Variants in PDE3B observed in about 807,000 individuals in gnomAD.
PDE3B encodes phosphodiesterase 3B, also known as cGMP-inhibited 3',5'-cyclic phosphodiesterase 3B.
In PDE3B, 66 loss-of-function variants were observed where a neutral mutation model predicts 116.8. The ratio of observed to expected loss-of-function variants is 0.56; its 90% CI spans 0.46 to 0.69. PDE3B has a LOEUF of 0.69. PDE3B is among the 30% of genes least tolerant of loss of function. The pLI, the probability that PDE3B is intolerant of heterozygous loss-of-function variation, is 0.00. For synonymous variants in PDE3B, 595 were observed against 533.6 expected (o/e 1.12, Z -1.59); for missense variants, 1,384 against 1,368.1 (o/e 1.01, Z -0.18).
intron 1 of PDE3B, among the ~76,000 whole-genome samples, chr11:14,708,512 G>C (rs974002252): frequency 6.6e-6 from 1 of 152,048 alleles, no homozygotes; most frequent in Non-Finnish European, 1.5e-5. Context: ...TCAAATATTA[G>C]ACGTACCTAA....
At chr11:14,773,146 G>T (rs1857692624) in intron 2 of PDE3B, 1 of 151,784 alleles carries the variant, frequency 6.6e-6, no homozygotes, top group Middle Eastern at 3.2e-3. Context: ...GTTTACTAAG[G>T]ACTTTTTTTC....
At chr11:14,819,054 AT>A in intron 6 of PDE3B, 81 bp from the exon 7 acceptor site, 1 of 838,570 alleles carries the variant, frequency 1.2e-6, no homozygotes, top group Non-Finnish European at 1.9e-6. Context: ...TTGGTTAAAA[AT>A]TAAACAGATT....
At chr11:14,810,274 G>A (rs201018133) in intron 5 of PDE3B, among the ~76,000 whole-genome samples, 8 of 150,468 alleles carry the variant, frequency 5.3e-5, no homozygotes, top group Non-Finnish European at 1.0e-4. Flanking sequence ...CCACTAACTC[G>A]TCATCTAGCA....
chr11:14,721,836 T>C (rs1245944213), intron 1 of PDE3B, among the ~76,000 whole-genome samples: 2 of 128,176 alleles, frequency 1.6e-5, no homozygotes, highest in Non-Finnish European at 3.2e-5. Flanking sequence ...GATGACGAGT[T>C]AGTGGGTGCA....
Position 14,819,197 on chromosome 11 carries a change from A to C in PDE3B, c.1795A>C (p.Ser599Arg). ...TSESDGTDCC[S>R]GKSGEEENIF... The stretch of plus-strand genomic sequence containing the variant: ...TGAATCAGATGGTACAGATTGCTGC[A>C]GTGGAAAATCAGGTGAGATTACAAA... The change falls in exon 7 of 16, where the codon AGT becomes CGT. Residue 599 changes from serine (S) to arginine (R), a missense_variant. Physicochemically the swap from Ser to Arg is moderately radical, Grantham distance 110. Around this residue, in one of 2 missense-constraint regions of PDE3B, gnomAD observed 956 missense variants for 806.8 expected, o/e 1.18. Transcript: ENST00000282096. 1 of 1,587,322 alleles carries C rather than the reference A, an allele frequency of 6.3e-7. No homozygotes were observed. The highest frequency in any genetic ancestry group is 1.1e-5 in the South Asian group (1 of 87,718).
At chr11:14,698,938 T>A (rs977825801) in intron 1 of PDE3B, 1 of 151,984 alleles carries the variant, frequency 6.6e-6, no homozygotes, top group Non-Finnish European at 1.5e-5. Context: ...CATATGGGGA[T>A]CTTAAGAAAT....
chr11:14,801,659 A>ACTGTG (rs1312609934), intron 4 of PDE3B, among the ~76,000 whole-genome samples: 1 of 152,062 alleles, frequency 6.6e-6, no homozygotes, highest in African/African-American at 2.4e-5. Flanking sequence ...GAGTTTGAAA[A>ACTGTG]CTGTGCTGGG....
At chr11:14,688,284 T>C (rs1854947094) in intron 1 of PDE3B, among the ~76,000 whole-genome samples, 1 of 152,162 alleles carries the variant, frequency 6.6e-6, no homozygotes, top group South Asian at 2.1e-4. Flanking sequence ...CCATCAATCT[T>C]TGTTTAACTA....
At chr11:14,740,124 T>A (rs1042157434) in intron 1 of PDE3B, among the ~76,000 whole-genome samples, 4 of 152,166 alleles carry the variant, frequency 2.6e-5, no homozygotes, top group Non-Finnish European at 5.9e-5. Context: ...ATAAAATGAG[T>A]TAGGGAGGAT....
chr11:14,721,487 T>C lies in PDE3B; in HGVS notation c.979-50450T>C, dbSNP rs370962593. 1.8e-3 allele frequency among the ~76,000 whole-genome samples: 266 copies of C among 151,564 alleles called. 2 individuals carry two copies. Among genetic ancestry groups the C allele is most frequent in the African/African-American group, 3.8e-3 (157 of 41,164 alleles). The stretch of plus-strand genomic sequence containing the variant: ...GACACATGCACACGTATGTTTATTG[T>C]GGCATTATTCACAATAGCAAAGACT... On this transcript the variant is annotated intron_variant, in intron 1 of 15. Transcript: ENST00000282096.
At chr11:14,746,637 A>G (rs1856917818) in intron 1 of PDE3B, among the ~76,000 whole-genome samples, 1 of 152,164 alleles carries the variant, frequency 6.6e-6, no homozygotes, top group Non-Finnish European at 1.5e-5. Context: ...ATGAGAAATA[A>G]TCTTTCACTG....
At chr11:14,758,293 T>A (rs1222189731) in intron 1 of PDE3B, among the ~76,000 whole-genome samples, 1 of 147,042 alleles carries the variant, frequency 6.8e-6, no homozygotes, top group Non-Finnish European at 1.5e-5. Context: ...GCGGGCTCTT[T>A]TTTGGTTCCA....
chr11:14,784,235 T>C (rs1202888978), intron 2 of PDE3B, among the ~76,000 whole-genome samples: 1 of 152,168 alleles, frequency 6.6e-6, no homozygotes, highest in East Asian at 1.9e-4. Flanking sequence ...AGAAGGACTC[T>C]TGAAGTAACA....
intron 4 of PDE3B, among the ~76,000 whole-genome samples, chr11:14,800,835 C>G (rs1590156143): frequency 1.3e-5 from 2 of 152,058 alleles, no homozygotes; most frequent in African/African-American, 4.8e-5. Flanking sequence ...TCCCTTATTT[C>G]TTGGAGGCTT....
At chr11:14,790,207 C>CTT (rs1423853216) in intron 4 of PDE3B, among the ~76,000 whole-genome samples, 1 of 151,836 alleles carries the variant, frequency 6.6e-6, no homozygotes, top group African/African-American at 2.4e-5. Flanking sequence ...AGGTGAACTC[C>CTT]TTTTTTGTAA....
chr11:14,895,494 C>G, the PDE3B span, among the ~76,000 whole-genome samples: 1 of 152,228 alleles, frequency 6.6e-6, no homozygotes, highest in Non-Finnish European at 1.5e-5. Flanking sequence ...GAATTTCTCA[C>G]TTGCCTTATC....
intron 1 of PDE3B, among the ~76,000 whole-genome samples, chr11:14,648,987 G>C (rs1853491107): frequency 6.6e-6 from 1 of 152,122 alleles, no homozygotes; most frequent in African/African-American, 2.4e-5. Context: ...AATTATAGCA[G>C]AATGGGCCAT....
the PDE3B span, chr11:14,886,154 TGAAAAGGGTACTG>T: frequency 1.9e-6 from 1 of 527,126 alleles, no homozygotes. Flanking sequence ...AACAGTATAA[TGAAAAGGGTACTG>T]GACTCGGGAG....
chr11:14,705,813 C>A (rs1825696339), intron 1 of PDE3B, among the ~76,000 whole-genome samples: 1 of 151,670 alleles, frequency 6.6e-6, no homozygotes, highest in African/African-American at 2.4e-5. Context: ...AATATTTTAA[C>A]CTTTAATTGA....
Sources: gnomAD v4.1 joint callset for allele counts (sites outside exome capture counted in the v4.1 genomes callset) on GRCh38, gnomAD v4.1.1 for gene constraint, gnomAD v4.1.1 regional missense constraint, MANE v1.5 for transcripts, NCBI Gene and HGNC (gene_info 2026-07-23, HGNC 2026-07-21) for gene names.